Variants in CDH22 observed in about 807,000 individuals in gnomAD.
CDH22 encodes cadherin 22.
In CDH22, 30 loss-of-function variants were observed where a neutral mutation model predicts 58.4. The ratio of observed to expected loss-of-function variants is 0.51; its 90% CI spans 0.38 to 0.70. The LOEUF is 0.70. CDH22 is among the 30% of genes least tolerant of loss of function. The probability of loss-of-function intolerance (pLI) is 0.00; values close to 1 mark genes in which losing one functional copy is unlikely to be tolerated. For synonymous variants in CDH22, 513 were observed against 558.2 expected (o/e 0.92, Z 1.14); for missense variants, 1,014 against 1,233.9 (o/e 0.82, Z 2.67).
At chr20:46,287,165 C>T (rs1174489355) in intron 1 of CDH22, among the ~76,000 whole-genome samples, 2 of 152,124 alleles carry the variant, frequency 1.3e-5, no homozygotes, top group Non-Finnish European at 2.9e-5. Context: ...GCATGAATAA[C>T]CTCTTCTGGG....
chr20:46,181,115 A>G (rs555453083), intron 10 of CDH22, among the ~76,000 whole-genome samples: 1 of 152,222 alleles, frequency 6.6e-6, no homozygotes, highest in Non-Finnish European at 1.5e-5. Flanking sequence ...TGTGCTAGGC[A>G]CCATGCTAGT....
chr20:46,227,063 C>T (rs1450638770), intron 4 of CDH22, among the ~76,000 whole-genome samples: 1 of 152,188 alleles, frequency 6.6e-6, no homozygotes, highest in Non-Finnish European at 1.5e-5. Context: ...GTTTTTCCAT[C>T]AGGTCCTTAA....
In CDH22 at chr20:46,178,586, C is replaced by CTTTTTTTTTTTTTTTTT. The variant is rs33937889; in HGVS notation, c.1664-406_1664-390dup. Among the ~76,000 whole-genome samples, 441 of 95,296 alleles carry CTTTTTTTTTTTTTTTTT rather than the reference C, an allele frequency of 4.6e-3. 19 individuals carry two copies. Among genetic ancestry groups the CTTTTTTTTTTTTTTTTT allele is most frequent in the Non-Finnish European group, 6.3e-3 (309 of 49,356 alleles). 62.5% of individuals were successfully genotyped at this position (95,296 alleles called of 152,430 possible). ...GCCAAGGTCCTGTCCCTGGCGTTGT[C>CTTTTTTTTTTTTTTTTT]TTTTTTTTTTTTTTTTTTTTTGCCA... On this transcript the variant is annotated intron_variant, in intron 10 of 11. Transcript: ENST00000537909.
chr20:46,182,651 G>C (rs115396375), intron 10 of CDH22, among the ~76,000 whole-genome samples: 2 of 152,184 alleles, frequency 1.3e-5, no homozygotes, highest in African/African-American at 2.4e-5. Context: ...TTCAGTTGGG[G>C]AAGCCTCTGG....
chr20:46,186,007 G>T (rs2085822290), intron 10 of CDH22, among the ~76,000 whole-genome samples: 1 of 152,060 alleles, frequency 6.6e-6, no homozygotes, highest in Non-Finnish European at 1.5e-5. Context: ...GAGCCTGGGA[G>T]TTCAAGACTA....
intron 8 of CDH22, among the ~76,000 whole-genome samples, chr20:46,191,158 G>A (rs1041314060): frequency 2.0e-5 from 3 of 152,160 alleles, no homozygotes; most frequent in African/African-American, 7.2e-5. Context: ...CTTGGAGCAG[G>A]GGGTCTTGCC....
intron 1 of CDH22, among the ~76,000 whole-genome samples, chr20:46,303,613 T>C (rs1280016549): frequency 1.3e-5 from 2 of 152,132 alleles, no homozygotes; most frequent in African/African-American, 2.4e-5. Flanking sequence ...GACAGGCAGA[T>C]GGGTGATGCA....
intron 4 of CDH22, 44 bp downstream of exon 4, chr20:46,227,464 G>GCCCCCC: frequency 7.4e-7 from 1 of 1,351,114 alleles, no homozygotes; most frequent in Non-Finnish European, 1.0e-6. Flanking sequence ...CCCGCCCCTG[G>GCCCCCC]CCCCGCCCCA....
intron 1 of CDH22, among the ~76,000 whole-genome samples, chr20:46,305,750 C>T (rs187726245): frequency 1.8e-4 from 27 of 152,248 alleles, no homozygotes; most frequent in Non-Finnish European, 2.5e-4. Context: ...TGACTCTTAT[C>T]GCCCATGTGG....
At chr20:46,231,842 G>T (rs1488257373) in intron 3 of CDH22, among the ~76,000 whole-genome samples, 1 of 152,168 alleles carries the variant, frequency 6.6e-6, no homozygotes, top group East Asian at 1.9e-4. Flanking sequence ...CCCTCAGTCA[G>T]ATCTTTTACC....
At chr20:46,185,164 A>C (rs1480278800) in intron 10 of CDH22, among the ~76,000 whole-genome samples, 1 of 142,388 alleles carries the variant, frequency 7.0e-6, no homozygotes, top group Admixed American at 7.0e-5. Context: ...CACACACACA[A>C]ACAACAACAA....
At chr20:46,231,775 G>A (rs1051146526) in intron 3 of CDH22, among the ~76,000 whole-genome samples, 1 of 152,164 alleles carries the variant, frequency 6.6e-6, no homozygotes, top group African/African-American at 2.4e-5. Flanking sequence ...GAGACTGGGT[G>A]GGCTTTGGCA....
chr20:46,234,221 G>C (rs2086238986), intron 3 of CDH22, among the ~76,000 whole-genome samples: 1 of 152,200 alleles, frequency 6.6e-6, no homozygotes, highest in African/African-American at 2.4e-5. Flanking sequence ...AATGATATTA[G>C]GGATGTGAAA....
chr20:46,273,831 C>G (rs564380260), intron 1 of CDH22, among the ~76,000 whole-genome samples: 1 of 152,262 alleles, frequency 6.6e-6, no homozygotes, highest in African/African-American at 2.4e-5. Context: ...TGTGAGGAAT[C>G]CAAGAGCTAG....
At chr20:46,283,581 T>C (rs113064765) in intron 1 of CDH22, among the ~76,000 whole-genome samples, 143 of 152,198 alleles carry the variant, frequency 9.4e-4, no homozygotes, top group African/African-American at 3.2e-3. Flanking sequence ...GACTTCCCCA[T>C]AGTCATTCAG....
Position 46,199,430 on chromosome 20 carries a change from C to T in CDH22, c.1416G>A (p.Met472Ile). 1 of 1,610,790 alleles carries T rather than the reference C, an allele frequency of 6.2e-7. No individual in the cohort carries two copies. The highest frequency in any genetic ancestry group is 8.5e-7 in the Non-Finnish European group (1 of 1,179,590). Residue 472 changes from methionine (M) to isoleucine (I), a missense_variant, in exon 8 of 12, where the codon ATG (methionine) becomes ATA (isoleucine). Around this residue, in one of 2 missense-constraint regions of CDH22, gnomAD observed 806 missense variants for 1,038.7 expected, o/e 0.78. Coordinates refer to ENST00000537909, the MANE Select transcript of CDH22 (RefSeq NM_021248.3). Reference sequence around the variant, plus strand: ...GCGTGGCGCCCAGCTCACCCGCCTCCATGGCCAGCACTGTGATGTTGTGCC... The same window carrying T: ...GCGTGGCGCCCAGCTCACCCGCCTCTATGGCCAGCACTGTGATGTTGTGCC... The part of the protein sequence containing the change: ...AGWHNITVLA[M>I]EADNHAQLSR...
chr20:46,217,172 A>G (rs1235156649), intron 4 of CDH22, among the ~76,000 whole-genome samples, 179 bp from the exon 5 acceptor site: 2 of 152,106 alleles, frequency 1.3e-5, no homozygotes, highest in African/African-American at 4.8e-5. Flanking sequence ...AGTGTACACC[A>G]CACACACTCA....
chr20:46,241,602 T>G lies in CDH22; in HGVS notation c.256-345A>C, dbSNP rs1026080654. On this transcript the variant is annotated intron_variant, in intron 2 of 11. Transcript: ENST00000537909. This position sits in a 1 kb window ranked among gnomAD's most constrained non-coding sequence, Gnocchi z 5.2. The stretch of plus-strand genomic sequence containing the variant: ...GTCCAGCACCACCTCCACACCTCTC[T>G]CCCCTTTAGCACGCACAGCTCTGAG... 6.6e-6 allele frequency among the ~76,000 whole-genome samples: 1 copy of G among 152,112 alleles called. No individual in the cohort carries two copies. The highest frequency in any genetic ancestry group is 1.5e-5 in the Non-Finnish European group (1 of 68,020).
chr20:46,263,816 G>A (rs941061870), intron 1 of CDH22, among the ~76,000 whole-genome samples: 9 of 152,244 alleles, frequency 5.9e-5, no homozygotes, highest in East Asian at 1.9e-4. Context: ...AGCTTTTGGC[G>A]GAGGAGATGT....
Sources: allele counts gnomAD v4.1 joint callset (sites outside exome capture counted in the v4.1 genomes callset), GRCh38; gene constraint gnomAD v4.1.1; regional missense constraint gnomAD v4.1.1; non-coding constraint Gnocchi (gnomAD v3.1); transcripts MANE v1.5; gene names NCBI Gene and HGNC (gene_info 2026-07-23, HGNC 2026-07-21).